Variants in FAM114A1 observed in about 807,000 individuals in gnomAD.
FAM114A1 encodes protein NOXP20.
FAM114A1 carries 62 observed loss-of-function variants against 64.3 expected under a neutral mutation model. The ratio of observed to expected loss-of-function variants is 0.96; its 90% CI spans 0.79 to 1.19. The LOEUF is 1.19. Ranked by LOEUF, FAM114A1 falls within the 50% of genes most tolerant of loss-of-function variation. The probability of loss-of-function intolerance (pLI) is 0.00; values close to 1 mark genes in which losing one functional copy is unlikely to be tolerated. For missense variants in FAM114A1, 645 were observed against 676.3 expected (o/e 0.95, Z 0.51); for synonymous variants, 254 against 251.1 (o/e 1.01, Z -0.11).
chr4:38,916,676 G>A (rs1719081923), intron 8 of FAM114A1, among the ~76,000 whole-genome samples: 1 of 152,174 alleles, frequency 6.6e-6, no homozygotes, highest in African/African-American at 2.4e-5. Flanking sequence ...GGGGCAAGGG[G>A]AGGGATAGCA....
At chr4:38,874,342 GCT>G (rs1714398819) in intron 2 of FAM114A1, among the ~76,000 whole-genome samples, 1 of 152,148 alleles carries the variant, frequency 6.6e-6, no homozygotes, top group South Asian at 2.1e-4. Context: ...GTAAATGACA[GCT>G]CTGAGTTATT....
At chr4:38,870,451 T>C (rs533747269) in intron 2 of FAM114A1, among the ~76,000 whole-genome samples, 2 of 152,356 alleles carry the variant, frequency 1.3e-5, no homozygotes, top group African/African-American at 4.8e-5. Flanking sequence ...TGACCATGTC[T>C]TCTGTTTTAT....
intron 12 of FAM114A1, among the ~76,000 whole-genome samples, chr4:38,935,433 G>C (rs1303672348): frequency 6.6e-6 from 1 of 152,164 alleles, no homozygotes; most frequent in East Asian, 1.9e-4. Context: ...GCTCAAGCCT[G>C]ATATTTTCCT....
chr4:38,931,572 A>G lies in FAM114A1; in HGVS notation c.1283A>G (p.Gln428Arg). 6.2e-7 allele frequency: 1 copy of G among 1,613,882 alleles called. No individual in the cohort carries two copies. Among genetic ancestry groups the G allele is most frequent in the South Asian group, 1.1e-5 (1 of 91,024 alleles). The part of the protein sequence containing the change: ...EEKEEKSQDP[Q>R]EDKKEEKKTK... ...AAGGAAGAGAAATCTCAAGACCCTC[A>G]AGAAGACAAAAAGGAGGAAAAGAAA... is the stretch of plus-strand genomic sequence containing the variant. Residue 428 changes from glutamine to arginine, a missense_variant, in exon 11 of 15, where the codon CAA (glutamine) becomes CGA (arginine). By Grantham distance (43) the Gln-to-Arg change is conservative (BLOSUM62 1). Coordinates refer to ENST00000358869, the MANE Select transcript of FAM114A1 (RefSeq NM_138389.4).
At chr4:38,908,458 C>T in intron 6 of FAM114A1, 134 bp from the exon 7 acceptor site, 1 of 775,938 alleles carries the variant, frequency 1.3e-6, no homozygotes, top group Non-Finnish European at 1.9e-6. Context: ...GATGATAAAT[C>T]TCCTGATGAG....
intron 9 of FAM114A1, 114 bp from the exon 10 acceptor site, chr4:38,929,128 C>A: frequency 1.3e-6 from 1 of 780,544 alleles, no homozygotes; most frequent in Non-Finnish European, 2.2e-6. Context: ...GGCGGGCAGG[C>A]TGCTACAACC....
In FAM114A1 at chr4:38,943,699, G is replaced by T. The variant is rs1579429131; in HGVS notation, c.*142G>T. On this transcript the variant is annotated 3_prime_UTR_variant, in exon 15 of 15. Transcript: ENST00000358869. The stretch of plus-strand genomic sequence containing the variant: ...AGCAATTTTGCACAGACAATATTGA[G>T]AATGCAAATTTAGAGAGAGTTATCA... 5.3e-6 allele frequency: 3 copies of T among 565,558 alleles called. No individual in the cohort carries two copies. Among genetic ancestry groups the T allele is most frequent in the Middle Eastern group, 4.7e-4 (1 of 2,122 alleles). 35.0% of individuals were successfully genotyped at this position (565,558 alleles called of 1,614,324 possible). A position where few individuals can be genotyped will look rare whatever the true frequency, so the allele number is the denominator to read the frequency against.
intron 2 of FAM114A1, among the ~76,000 whole-genome samples, chr4:38,872,007 G>C (rs977654074): frequency 6.6e-6 from 1 of 152,206 alleles, no homozygotes; most frequent in African/African-American, 2.4e-5. Flanking sequence ...CATGTCTTGG[G>C]TATAGAAGCA....
chr4:38,878,692 C>A (rs902136), intron 3 of FAM114A1, among the ~76,000 whole-genome samples: 72,056 of 152,068 alleles, frequency 0.47, 17,162 homozygotes, highest in Middle Eastern at 0.52. Flanking sequence ...TAGCCACTTT[C>A]TATGTTATGT....
intron 2 of FAM114A1, among the ~76,000 whole-genome samples, chr4:38,873,004 A>G (rs1714234887): frequency 1.3e-5 from 2 of 152,228 alleles, no homozygotes; most frequent in Non-Finnish European, 2.9e-5. Context: ...TCCAAATGAC[A>G]ACAGCCTTTT....
chr4:38,944,814 C>T lies in FAM114A1; in HGVS notation c.*1257C>T, dbSNP rs1466763789. On this transcript the variant is annotated 3_prime_UTR_variant, in exon 15 of 15. Transcript: ENST00000358869. The stretch of plus-strand genomic sequence containing the variant: ...GAATAGCTTCGTGCCGAAACCATCC[C>T]CCACCCCCATCCCGCTACCCCGAGT... 5 of 150,418 alleles carry T rather than the reference C, an allele frequency of 3.3e-5. No individual in the cohort carries two copies. Among genetic ancestry groups the T allele is most frequent in the Non-Finnish European group, 1.5e-5 (1 of 67,496 alleles). 9.3% of individuals were successfully genotyped at this position (150,418 alleles called of 1,614,324 possible).
intron 3 of FAM114A1, among the ~76,000 whole-genome samples, chr4:38,885,458 G>T (rs1715708776): frequency 6.6e-6 from 1 of 151,908 alleles, no homozygotes; most frequent in Non-Finnish European, 1.5e-5. Flanking sequence ...TAATTTTTCT[G>T]TAGAGACCAG....
At chr4:38,915,744 GGTGT>G (rs58018099) in intron 8 of FAM114A1, among the ~76,000 whole-genome samples, 13,046 of 138,992 alleles carry the variant, frequency 0.094, 675 homozygotes, top group African/African-American at 0.16. Context: ...CATCTATAGT[GGTGT>G]GTGTGTGTGT....
intron 13 of FAM114A1, among the ~76,000 whole-genome samples, chr4:38,940,725 A>G (rs1377252419): frequency 6.6e-6 from 1 of 152,030 alleles, no homozygotes; most frequent in African/African-American, 2.4e-5. Context: ...TCTGATCCCT[A>G]TTCTCTCCTC....
chr4:38,938,829 G>C (rs1366847642), intron 13 of FAM114A1: 1 of 152,148 alleles, frequency 6.6e-6, no homozygotes, highest in Non-Finnish European at 1.5e-5. Context: ...CCAACTCTTT[G>C]GTTCTCTGTG....
chr4:38,932,608 T>G (rs189048433), intron 12 of FAM114A1, among the ~76,000 whole-genome samples: 15 of 152,258 alleles, frequency 9.9e-5, no homozygotes, highest in Admixed American at 3.3e-4. Context: ...GTGACCCTCC[T>G]GCCTCAGTCT....
rs1170845502 is a variant in FAM114A1, at chr4:38,931,454, A to G, written c.1165A>G (p.Met389Val). The change falls in exon 11 of 15, where the codon ATG becomes GTG. Residue 389 changes from methionine (M) to valine (V), a missense_variant. By Grantham distance (21) the Met-to-Val change is conservative. Transcript: ENST00000358869. Reference sequence around the variant, plus strand: ...GTTTGGTTGGGGACCTCTGCAGGCCATGAAGAGGGCTCATGACTGGGTGGA... The same window carrying G: ...GTTTGGTTGGGGACCTCTGCAGGCCGTGAAGAGGGCTCATGACTGGGTGGA... ...AATPDKLNKA[M>V]KRAHDWVEED... The G allele has an allele frequency of 1.2e-6, 2 of 1,609,376 alleles. No homozygotes were observed. The highest frequency in any genetic ancestry group is 1.7e-6 in the Non-Finnish European group (2 of 1,178,794).
chr4:38,900,137 A>G (rs565723619), intron 4 of FAM114A1, among the ~76,000 whole-genome samples: 1 of 152,148 alleles, frequency 6.6e-6, no homozygotes, highest in African/African-American at 2.4e-5. Context: ...AATCAAAACT[A>G]TGATGAGATA....
At chr4:38,917,154 A>AAATAAATG (rs1719136267) in intron 8 of FAM114A1, among the ~76,000 whole-genome samples, 1 of 129,998 alleles carries the variant, frequency 7.7e-6, no homozygotes, top group African/African-American at 3.9e-5. Flanking sequence ...AAATACAAAT[A>AAATAAATG]AATAAATAAA....
Sources: allele counts gnomAD v4.1 joint callset (sites outside exome capture counted in the v4.1 genomes callset), GRCh38; gene constraint gnomAD v4.1.1; transcripts MANE v1.5; gene names NCBI Gene and HGNC (gene_info 2026-07-23, HGNC 2026-07-21).